PPP1R21: variants seen among roughly 807,000 people sequenced by gnomAD.
PPP1R21 encodes the protein protein phosphatase 1 regulatory subunit 21.
Under a neutral mutation model 112.8 loss-of-function variants are expected in PPP1R21, and 85 were observed. The observed-to-expected ratio is 0.75, with a 90% CI of 0.63 to 0.90. The LOEUF (loss-of-function observed/expected upper bound fraction) is 0.90. Among genes scored for constraint, PPP1R21 ranks in the 40% least tolerant of loss-of-function variants. PPP1R21 has a pLI of 0.00. For missense variants in PPP1R21, 1,199 were observed against 901.5 expected, an observed-to-expected ratio of 1.33 and a Z score of -4.23; for synonymous variants, 381 against 322.3, an observed-to-expected ratio of 1.18 and a Z score of -1.95.
chr2:48,448,099 G>A (rs777532378), intron 1 of PPP1R21, among the ~76,000 whole-genome samples: 5 of 152,182 alleles, frequency 3.3e-5, no homozygotes, highest in Admixed American at 6.5e-5. Context: ...GTTGCAAAGA[G>A]TAGTTAAAAT....
At chr2:48,502,370 T>C (rs1272887010) in intron 17 of PPP1R21, among the ~76,000 whole-genome samples, 1 of 150,708 alleles carries the variant, frequency 6.6e-6, no homozygotes, top group East Asian at 1.9e-4. Flanking sequence ...TAACCTGGAG[T>C]CTTGCCTTGC....
At chr2:48,447,481 A>G (rs1351352930) in intron 1 of PPP1R21, among the ~76,000 whole-genome samples, 1 of 152,194 alleles carries the variant, frequency 6.6e-6, no homozygotes, top group African/African-American at 2.4e-5. Context: ...CTGTACTAAT[A>G]GAGACTTCAG....
intron 1 of PPP1R21, among the ~76,000 whole-genome samples, chr2:48,443,189 T>G (rs1474083925): frequency 6.6e-6 from 1 of 152,180 alleles, no homozygotes; most frequent in Non-Finnish European, 1.5e-5. Context: ...CTCATTCATT[T>G]TGGGACTTGG....
At chr2:48,472,482 C>T (rs1327554322) in intron 11 of PPP1R21, among the ~76,000 whole-genome samples, 3 of 151,250 alleles carry the variant, frequency 2.0e-5, no homozygotes, top group African/African-American at 4.9e-5. Context: ...AAAAATTAGC[C>T]GGGCGTGGTG....
At chr2:48,458,264 G>A (rs751776074) in intron 4 of PPP1R21, 37 bp downstream of exon 4, 3 of 1,403,066 alleles carry the variant, frequency 2.1e-6, no homozygotes, top group South Asian at 2.3e-5. Flanking sequence ...ATTAAAAAAT[G>A]GGTCTGTGAT....
At chr2:48,459,298 A>G (rs1204406605) in intron 4 of PPP1R21, among the ~76,000 whole-genome samples, 4 of 152,188 alleles carry the variant, frequency 2.6e-5, no homozygotes, top group Admixed American at 2.6e-4. Flanking sequence ...CTCTAATTAC[A>G]GGAAAGAGCT....
intron 1 of PPP1R21, among the ~76,000 whole-genome samples, chr2:48,449,249 G>A (rs1342613767): frequency 1.3e-5 from 2 of 152,054 alleles, no homozygotes; most frequent in Non-Finnish European, 2.9e-5. Flanking sequence ...CATTTGTGGA[G>A]CATTTTATAG....
chr2:48,499,116 C>T (rs921547201), intron 17 of PPP1R21, among the ~76,000 whole-genome samples: 8 of 142,382 alleles, frequency 5.6e-5, no homozygotes, highest in Admixed American at 1.5e-4. Flanking sequence ...AGAGTTTCAA[C>T]GTAGGATATT....
intron 1 of PPP1R21, among the ~76,000 whole-genome samples, chr2:48,443,688 A>C (rs1667130682): frequency 1.3e-5 from 2 of 152,222 alleles, no homozygotes; most frequent in Non-Finnish European, 2.9e-5. Context: ...TCCTGATCAA[A>C]AGATTTCTTG....
At chr2:48,479,602 A>C in intron 12 of PPP1R21, 1 of 535,780 alleles carries the variant, frequency 1.9e-6, no homozygotes. Context: ...GTAGGGAATG[A>C]AAAATGCATT....
chr2:48,455,814 ACCAT>A, intron 3 of PPP1R21, among the ~76,000 whole-genome samples: 1 of 152,120 alleles, frequency 6.6e-6, no homozygotes, highest in Non-Finnish European at 1.5e-5. Context: ...GGAGATTGAG[ACCAT>A]CCTGGCTAAC....
rs765821775 is a variant in PPP1R21, at chr2:48,460,144, C to A, written c.590C>A (p.Thr197Lys). The stretch of plus-strand genomic sequence containing the variant: ...GAAGCCAAGGAATGTCGACTTCGAA[C>A]GGAAGAATGGTATGTGGAAACTTGA... ...EKEAKECRLR[T>K]EECQLQLKTL... The change falls in exon 6 of 22, where the codon ACG becomes AAG. Residue 197 changes from threonine (T) to lysine (K), a missense_variant. By Grantham distance (78) the Thr-to-Lys change is moderately conservative. Transcript: ENST00000294952. The A allele has an allele frequency of 6.2e-7, 1 of 1,614,062 alleles. No individual in the cohort carries two copies. Among genetic ancestry groups the A allele is most frequent in the South Asian group, 1.1e-5 (1 of 91,080 alleles).
intron 15 of PPP1R21, among the ~76,000 whole-genome samples, chr2:48,494,981 C>G (rs1393461426): frequency 6.6e-6 from 1 of 152,168 alleles, no homozygotes; most frequent in Non-Finnish European, 1.5e-5. Context: ...GCTAAGATTA[C>G]AGGGGTGAGC....
At chr2:48,496,347 T>C (rs760106337) in intron 16 of PPP1R21, among the ~76,000 whole-genome samples, 3 of 152,218 alleles carry the variant, frequency 2.0e-5, no homozygotes, top group Admixed American at 6.5e-5. Context: ...AGGACTCTAA[T>C]CTGACTTTAC....
intron 15 of PPP1R21, among the ~76,000 whole-genome samples, chr2:48,493,626 C>G (rs1433422624): frequency 6.6e-6 from 1 of 151,938 alleles, no homozygotes; most frequent in East Asian, 1.9e-4. Flanking sequence ...AGATTTGGAT[C>G]TTTAATTCAT....
chr2:48,484,675 C>G (rs948269662), intron 13 of PPP1R21, among the ~76,000 whole-genome samples: 3 of 152,084 alleles, frequency 2.0e-5, no homozygotes, highest in African/African-American at 7.2e-5. Context: ...TGCCACTACA[C>G]CCAGCAATTT....
intron 12 of PPP1R21, among the ~76,000 whole-genome samples, chr2:48,475,502 G>T (rs761450316): frequency 6.6e-6 from 1 of 152,112 alleles, no homozygotes; most frequent in Non-Finnish European, 1.5e-5. Flanking sequence ...TAGCGTAGGG[G>T]AGCTTTAGTA....
intron 15 of PPP1R21, among the ~76,000 whole-genome samples, chr2:48,494,770 T>C (rs1669747271): frequency 6.6e-6 from 1 of 152,136 alleles, no homozygotes; most frequent in Non-Finnish European, 1.5e-5. Context: ...CAGGCTGGAG[T>C]GCAGTGATGC....
chr2:48,479,976 T>C lies in PPP1R21; in HGVS notation c.1278T>C (p.Asn426=). 1.2e-6 allele frequency: 2 copies of C among 1,613,394 alleles called. No homozygotes were observed. Among genetic ancestry groups the C allele is most frequent in the Non-Finnish European group, 1.7e-6 (2 of 1,179,314 alleles). ...LRTNYSSVLT[N]VGAALHGFHD... Reference sequence around the variant, plus strand: ...CAAACTACAGTTCTGTGTTAACAAATGTTGGTGCTGCTCTGCATGGATTTC... The same window carrying C: ...CAAACTACAGTTCTGTGTTAACAAACGTTGGTGCTGCTCTGCATGGATTTC... The change falls in exon 13 of 22, where the codon AAT becomes AAC. Residue 426 remains asparagine (N), a synonymous_variant. Transcript: ENST00000294952.
Sources: gnomAD v4.1 joint callset for allele counts (sites outside exome capture counted in the v4.1 genomes callset) on GRCh38, gnomAD v4.1.1 for gene constraint, MANE v1.5 for transcripts, NCBI Gene and HGNC (gene_info 2026-07-23, HGNC 2026-07-21) for gene names.